ACTR3C: variants seen among roughly 807,000 people sequenced by gnomAD.
The protein encoded by ACTR3C is actin related protein 3C.
Under a neutral mutation model 26.3 loss-of-function variants are expected in ACTR3C, and 18 were observed. The ratio of observed to expected loss-of-function variants is 0.68; its 90% CI spans 0.47 to 1.01. The LOEUF (loss-of-function observed/expected upper bound fraction) is 1.01, where lower values mean the gene tolerates loss of function less well. Among genes scored for constraint, ACTR3C ranks in the 50% least tolerant of loss-of-function variants. ACTR3C has a pLI of 0.00. For missense variants in ACTR3C, 184 were observed against 250.7 expected (o/e 0.73, Z 1.80); for synonymous variants, 55 against 94.5 (o/e 0.58, Z 2.42).
At chr7:149,951,743 C>G in the ACTR3C span, among the ~76,000 whole-genome samples, 3 of 151,538 alleles carry the variant, frequency 2.0e-5, no homozygotes, top group South Asian at 2.1e-4. Flanking sequence ...GATCCAGGAC[C>G]TTAATTATAA....
intron 3 of ACTR3C, among the ~76,000 whole-genome samples, chr7:150,291,769 G>C (rs1428446764): frequency 6.6e-6 from 1 of 152,016 alleles, no homozygotes; most frequent in African/African-American, 2.4e-5. Flanking sequence ...CTGAGGAAAT[G>C]GCAGCCTGAG....
chr7:150,033,349 T>G, the ACTR3C span, among the ~76,000 whole-genome samples: 1 of 152,230 alleles, frequency 6.6e-6, no homozygotes, highest in Non-Finnish European at 1.5e-5. Context: ...ATGCTCTAGC[T>G]GTGCTCTGTC....
chr7:149,891,621 T>C, the ACTR3C span, among the ~76,000 whole-genome samples: 5 of 151,870 alleles, frequency 3.3e-5, no homozygotes, highest in Non-Finnish European at 7.4e-5. Flanking sequence ...GCCCAGGAGT[T>C]CGAGACCAGC....
At chr7:149,936,730 A>T in the ACTR3C span, among the ~76,000 whole-genome samples, 4 of 152,214 alleles carry the variant, frequency 2.6e-5, no homozygotes, top group Non-Finnish European at 4.4e-5. Context: ...TATTTTTGCT[A>T]CTTAGTGTTC....
chr7:150,037,844 G>C, the ACTR3C span, among the ~76,000 whole-genome samples: 16 of 93,668 alleles, frequency 1.7e-4, no homozygotes, highest in East Asian at 3.8e-3. Context: ...CCTCGCGGAG[G>C]GTGCCTCCGC....
the ACTR3C span, among the ~76,000 whole-genome samples, chr7:150,182,153 A>C: frequency 3.5e-4 from 53 of 150,490 alleles, 3 homozygotes; most frequent in African/African-American, 1.3e-3. Context: ...ACCATGCATC[A>C]CCAACAGATC....
the ACTR3C span, among the ~76,000 whole-genome samples, chr7:150,183,117 C>G: frequency 6.6e-6 from 1 of 150,804 alleles, no homozygotes; most frequent in Non-Finnish European, 1.5e-5. Context: ...TTAAATGCCA[C>G]GTTAGATGTA....
chr7:150,192,535 C>T, the ACTR3C span, among the ~76,000 whole-genome samples: 1 of 152,182 alleles, frequency 6.6e-6, no homozygotes, highest in Non-Finnish European at 1.5e-5. Flanking sequence ...CTCCTGGCCT[C>T]AAGTGATCCT....
chr7:150,210,747 A>T, the ACTR3C span, among the ~76,000 whole-genome samples: 2 of 149,776 alleles, frequency 1.3e-5, no homozygotes, highest in Non-Finnish European at 2.9e-5. Context: ...ATTGTTAGGG[A>T]GAAACAGATC....
At chr7:150,312,784 T>C (rs1376188118) in intron 1 of ACTR3C, among the ~76,000 whole-genome samples, 2 of 152,336 alleles carry the variant, frequency 1.3e-5, no homozygotes, top group South Asian at 2.1e-4. Flanking sequence ...TCTTTTCTTA[T>C]AACTTTATAT....
the ACTR3C span, among the ~76,000 whole-genome samples, chr7:150,170,725 G>A: frequency 1.3e-5 from 2 of 150,534 alleles, no homozygotes; most frequent in Non-Finnish European, 2.9e-5. Context: ...AGGGTTTAAA[G>A]GTTCACTTCC....
At chr7:150,280,494 A>T (rs1250327821) in intron 6 of ACTR3C, among the ~76,000 whole-genome samples, 1 of 152,332 alleles carries the variant, frequency 6.6e-6, no homozygotes, top group South Asian at 2.1e-4. Flanking sequence ...GTGGAATGGC[A>T]GTTACCAGGT....
the ACTR3C span, among the ~76,000 whole-genome samples, chr7:150,139,571 G>A: frequency 4.9e-4 from 74 of 152,364 alleles, no homozygotes; most frequent in African/African-American, 1.7e-3. Flanking sequence ...TCACCTTCCC[G>A]GATCATCTCT....
At chr7:150,048,389 G>A in the ACTR3C span, among the ~76,000 whole-genome samples, 13 of 152,110 alleles carry the variant, frequency 8.5e-5, no homozygotes, top group African/African-American at 2.7e-4. Flanking sequence ...GGTGGCAGGG[G>A]TTGGCAGCCC....
chr7:150,159,837 G>A, the ACTR3C span, among the ~76,000 whole-genome samples: 2 of 151,926 alleles, frequency 1.3e-5, no homozygotes, highest in African/African-American at 2.4e-5. Flanking sequence ...CTCGCTCTGT[G>A]GCCCAGGCTC....
chr7:150,263,683 T>C (rs1404263934), intron 6 of ACTR3C, among the ~76,000 whole-genome samples: 2 of 152,006 alleles, frequency 1.3e-5, no homozygotes, highest in Non-Finnish European at 2.9e-5. Context: ...CCTAGAAATA[T>C]GAGACTGAAA....
chr7:150,000,855 C>T, the ACTR3C span: 2 of 137,788 alleles, frequency 1.5e-5, no homozygotes, highest in African/African-American at 5.2e-5. Flanking sequence ...TGGGACTCAG[C>T]TCCCAGAGTG....
chr7:150,293,052 C>T (rs1214025318), intron 3 of ACTR3C, among the ~76,000 whole-genome samples: 1 of 151,916 alleles, frequency 6.6e-6, no homozygotes, highest in East Asian at 1.9e-4. Flanking sequence ...GACATTCTGA[C>T]TGTAAAAATA....
chr7:150,180,209 G>T, the ACTR3C span, among the ~76,000 whole-genome samples: 9 of 150,142 alleles, frequency 6.0e-5, 1 homozygote, highest in East Asian at 1.8e-3. Context: ...GGAGGCTGAG[G>T]CGGGAGAATG....
Sources: allele counts gnomAD v4.1 joint callset (sites outside exome capture counted in the v4.1 genomes callset), GRCh38; gene constraint gnomAD v4.1.1; transcripts MANE v1.5; gene names NCBI Gene and HGNC (gene_info 2026-07-23, HGNC 2026-07-21).